The following UBOX5 variants were observed in gnomAD, a reference collection of about 807,000 sequenced individuals.
UBOX5 encodes the protein RING finger protein 37.
Under a neutral mutation model 39.0 loss-of-function variants are expected in UBOX5, and 28 were observed. That is an observed-to-expected ratio of 0.72 (90% CI 0.53 to 0.98). UBOX5 has a LOEUF of 0.98. UBOX5 is among the 50% of genes least tolerant of loss of function. UBOX5 has a pLI of 0.00. For missense variants in UBOX5, 585 were observed against 674.4 expected (o/e 0.87, Z 1.47); for synonymous variants, 283 against 275.5 (o/e 1.03, Z -0.27).
chr20:3,128,605 T>C (rs1480771739), intron 1 of UBOX5, among the ~76,000 whole-genome samples: 3 of 152,122 alleles, frequency 2.0e-5, no homozygotes, highest in African/African-American at 7.2e-5. Flanking sequence ...CTCACACCTA[T>C]AATCCGAACA....
chr20:3,146,904 G>A (rs1347412310), intron 1 of UBOX5: 8 of 1,614,004 alleles, frequency 5.0e-6, no homozygotes, highest in African/African-American at 1.3e-5. Flanking sequence ...GCCAGCTGCC[G>A]CCTCTTCATA....
chr20:3,121,335 T>C (rs1447402452), intron 3 of UBOX5, 49 bp downstream of exon 3: 18 of 1,563,876 alleles, frequency 1.2e-5, no homozygotes, highest in Non-Finnish European at 1.4e-5. Context: ...TGAGAGCTCC[T>C]GGGAAGGAGA....
chr20:3,130,653 T>C (rs2066422545), intron 1 of UBOX5, among the ~76,000 whole-genome samples: 1 of 152,210 alleles, frequency 6.6e-6, no homozygotes, highest in Non-Finnish European at 1.5e-5. Flanking sequence ...GAAAGGTTCT[T>C]CTTAACCCAT....
intron 1 of UBOX5, chr20:3,151,924 G>A (rs1400504520): frequency 6.6e-6 from 1 of 151,466 alleles, no homozygotes; most frequent in Non-Finnish European, 1.5e-5. Context: ...GGCCATCATG[G>A]TGAAACCCTA....
chr20:3,154,760 T>G (rs1422669724), intron 1 of UBOX5, among the ~76,000 whole-genome samples: 1 of 152,144 alleles, frequency 6.6e-6, no homozygotes, highest in East Asian at 1.9e-4. Flanking sequence ...TAACATAATT[T>G]TATTAATATA....
At chr20:3,148,152 G>T in intron 1 of UBOX5, 1 of 1,613,746 alleles carries the variant, frequency 6.2e-7, no homozygotes, top group Non-Finnish European at 8.5e-7. Context: ...ATATATTTAA[G>T]GATCAATGAT....
At chr20:3,150,517 T>C (rs939922722) in intron 1 of UBOX5, 6 of 152,374 alleles carry the variant, frequency 3.9e-5, no homozygotes, top group Non-Finnish European at 7.3e-5. Flanking sequence ...TTAATGCTTA[T>C]TCTTTTTCTT....
intron 4 of UBOX5, among the ~76,000 whole-genome samples, chr20:3,110,915 G>A (rs974789067): frequency 7.2e-5 from 11 of 151,800 alleles, no homozygotes; most frequent in Non-Finnish European, 1.5e-4. Flanking sequence ...AGGGAGGTCA[G>A]CAGAGACAAG....
intron 1 of UBOX5, among the ~76,000 whole-genome samples, chr20:3,129,816 T>C (rs1003286106): frequency 6.6e-6 from 1 of 152,224 alleles, no homozygotes; most frequent in Non-Finnish European, 1.5e-5. Flanking sequence ...ACTCTGGCTG[T>C]TAGAAAGCTC....
Position 3,109,559 on chromosome 20 carries a change from G to T in UBOX5, c.*547C>A. On this transcript the variant is annotated 3_prime_UTR_variant, in exon 5 of 5. Transcript: ENST00000217173. ...GCTCCACTTGTGTGGGTGCAGGTGG[G>T]CGACAGGAGTGTGTGACACAGACAG... 25 of 160,232 alleles carry T rather than the reference G, an allele frequency of 1.6e-4. No individual in the cohort carries two copies. The highest frequency in any genetic ancestry group is 1.3e-3 in the South Asian group (7 of 5,534). 9.9% of individuals were successfully genotyped at this position (160,232 alleles called of 1,614,324 possible).
intron 1 of UBOX5, 50 bp from the exon 2 acceptor site, chr20:3,123,456 A>G (rs2066353449): frequency 1.5e-6 from 2 of 1,348,208 alleles, no homozygotes; most frequent in Admixed American, 1.9e-5. Flanking sequence ...ATTCAATTCT[A>G]AACTTTCAGA....
intron 1 of UBOX5, among the ~76,000 whole-genome samples, chr20:3,158,017 C>A (rs565349128): frequency 3.9e-5 from 6 of 152,122 alleles, no homozygotes; most frequent in Non-Finnish European, 1.5e-5. Flanking sequence ...GGCAACCTCC[C>A]GGGCGAGGAT....
chr20:3,136,568 T>G (rs995540173), intron 1 of UBOX5, among the ~76,000 whole-genome samples: 1 of 151,784 alleles, frequency 6.6e-6, no homozygotes, highest in Admixed American at 6.6e-5. Context: ...TTGGCCAGAG[T>G]GGTCTCGAAC....
intron 1 of UBOX5, among the ~76,000 whole-genome samples, chr20:3,159,121 AG>A (rs1426580564): frequency 2.6e-5 from 4 of 152,238 alleles, no homozygotes; most frequent in African/African-American, 9.6e-5. Context: ...GCACAGAAAG[AG>A]AAAGAGCAAC....
chr20:3,119,936 T>G lies in UBOX5; in HGVS notation c.1255+1448A>C, dbSNP rs559209092. Among the ~76,000 whole-genome samples the G allele has an allele frequency of 2.6e-5, 4 of 152,232 alleles. No individual in the cohort carries two copies. In the South Asian group the frequency reaches 8.3e-4, roughly 32 times the overall value. ...GGTATTCACACTGAACACATTCAGC[T>G]GCAGAGGTCACCCAGTGAACCAGGG... On this transcript the variant is annotated intron_variant, in intron 3 of 4. Transcript: ENST00000217173.
chr20:3,139,876 A>AT (rs1221771223), intron 1 of UBOX5, among the ~76,000 whole-genome samples: 3 of 151,336 alleles, frequency 2.0e-5, no homozygotes, highest in East Asian at 1.9e-4. Context: ...CACCCAGCTA[A>AT]TTTTTTTATT....
At chr20:3,114,393 G>A (rs997462406) in intron 4 of UBOX5, among the ~76,000 whole-genome samples, 7 of 152,098 alleles carry the variant, frequency 4.6e-5, no homozygotes, top group South Asian at 2.1e-4. Context: ...AAGGCGTTTC[G>A]CACAGCAGGA....
At chr20:3,145,839 A>C (rs1254257468) in intron 1 of UBOX5, among the ~76,000 whole-genome samples, 3 of 152,172 alleles carry the variant, frequency 2.0e-5, no homozygotes, top group Middle Eastern at 3.4e-3. Context: ...TGAGGTCAGG[A>C]GTGTGAGACC....
chr20:3,111,400 T>C (rs1212955955), intron 4 of UBOX5, among the ~76,000 whole-genome samples: 1 of 152,188 alleles, frequency 6.6e-6, no homozygotes, highest in Non-Finnish European at 1.5e-5. Flanking sequence ...GTCTTCTCAA[T>C]CTGTCCTCAA....
Sources: allele counts gnomAD v4.1 joint callset (sites outside exome capture counted in the v4.1 genomes callset), GRCh38; gene constraint gnomAD v4.1.1; transcripts MANE v1.5; gene names NCBI Gene and HGNC (gene_info 2026-07-23, HGNC 2026-07-21).